Variants in HYCC2 observed in about 807,000 individuals in gnomAD.
HYCC2 encodes the protein hyccin PI4KA lipid kinase complex subunit 2, also known as hyccin 2.
chr2:201,066,085 T>G, the HYCC2 span, among the ~76,000 whole-genome samples: 36 of 152,230 alleles, frequency 2.4e-4, no homozygotes, highest in Middle Eastern at 3.4e-3. Context: ...TTTCTTTTTT[T>G]TTTTTCTTTG....
the HYCC2 span, among the ~76,000 whole-genome samples, chr2:201,054,019 G>C: frequency 6.6e-6 from 1 of 152,070 alleles, no homozygotes; most frequent in Admixed American, 6.6e-5. Flanking sequence ...ACCCAGAAAA[G>C]AAAAGCTGGG....
At chr2:200,981,656 C>T in the HYCC2 span, 1 of 1,614,218 alleles carries the variant, frequency 6.2e-7, no homozygotes, top group Non-Finnish European at 8.5e-7. The surrounding 1 kb of genome is among the most constrained non-coding windows in gnomAD (Gnocchi z 4.5). Flanking sequence ...TTGCGAACTA[C>T]TGAATCTCGA....
chr2:200,981,543 G>C, the HYCC2 span: 2 of 1,614,166 alleles, frequency 1.2e-6, no homozygotes, highest in Non-Finnish European at 1.7e-6. The surrounding 1 kb of genome is among the most constrained non-coding windows in gnomAD (Gnocchi z 4.5). Flanking sequence ...TTAAGCTATT[G>C]ATTTTTGGCA....
chr2:201,029,780 G>C, the HYCC2 span, among the ~76,000 whole-genome samples: 1 of 152,140 alleles, frequency 6.6e-6, no homozygotes, highest in East Asian at 1.9e-4. Context: ...GGCCTGTCAT[G>C]AGGTGGGGGG....
the HYCC2 span, among the ~76,000 whole-genome samples, chr2:201,003,805 C>CTTTTTTTTTTTT: frequency 1.5e-5 from 1 of 66,360 alleles, no homozygotes; most frequent in Non-Finnish European, 2.6e-5. Flanking sequence ...GTTGTTGTTG[C>CTTTTTTTTTTTT]TTTTTTTTTT....
the HYCC2 span, among the ~76,000 whole-genome samples, chr2:201,046,970 A>C: frequency 6.6e-6 from 1 of 152,214 alleles, no homozygotes; most frequent in Non-Finnish European, 1.5e-5. Flanking sequence ...AGACAAGAGA[A>C]TCAGACTCAC....
At chr2:201,024,007 C>A in the HYCC2 span, 1 of 1,613,078 alleles carries the variant, frequency 6.2e-7, no homozygotes, top group Non-Finnish European at 8.5e-7. Context: ...CAGTTCCCAG[C>A]ATTTTCTTTT....
the HYCC2 span, among the ~76,000 whole-genome samples, chr2:200,994,478 C>T: frequency 6.6e-6 from 1 of 152,176 alleles, no homozygotes; most frequent in Non-Finnish European, 1.5e-5. Context: ...CTCAGGTGAT[C>T]TGCCCACCTT....
chr2:200,978,033 A>G, the HYCC2 span: 11 of 152,196 alleles, frequency 7.2e-5, no homozygotes, highest in Admixed American at 2.0e-4. Flanking sequence ...CTCCCTAAAT[A>G]TCTTTTTCAT....
chr2:200,984,373 G>A, the HYCC2 span, among the ~76,000 whole-genome samples: 1 of 152,102 alleles, frequency 6.6e-6, no homozygotes, highest in Admixed American at 6.6e-5. Context: ...AGCTTTAAAA[G>A]TCATAAATAG....
At chr2:200,979,619 GA>G in the HYCC2 span, 1 of 152,506 alleles carries the variant, frequency 6.6e-6, no homozygotes, top group East Asian at 1.9e-4. Flanking sequence ...CTAATTAGGA[GA>G]ATACTTGCTT....
At chr2:201,058,894 T>C in the HYCC2 span, among the ~76,000 whole-genome samples, 1 of 152,210 alleles carries the variant, frequency 6.6e-6, no homozygotes, top group Non-Finnish European at 1.5e-5. Context: ...TTTAAATCTA[T>C]AGACTGAGTA....
At chr2:201,038,015 G>C in the HYCC2 span, among the ~76,000 whole-genome samples, 1 of 152,150 alleles carries the variant, frequency 6.6e-6, no homozygotes, top group Non-Finnish European at 1.5e-5. Context: ...CTAATATCCA[G>C]AATCTACAAT....
the HYCC2 span, chr2:200,988,384 G>C: frequency 1.9e-6 from 3 of 1,612,968 alleles, no homozygotes; most frequent in Non-Finnish European, 1.7e-6. Flanking sequence ...AGAATCAGGA[G>C]CATCAAATGG....
At chr2:201,061,014 T>C in the HYCC2 span, among the ~76,000 whole-genome samples, 5 of 151,616 alleles carry the variant, frequency 3.3e-5, no homozygotes, top group East Asian at 9.7e-4. Context: ...CTTACAAAAC[T>C]GTAACTGGAA....
the HYCC2 span, among the ~76,000 whole-genome samples, chr2:201,054,987 CT>C: frequency 6.6e-6 from 1 of 152,044 alleles, no homozygotes; most frequent in African/African-American, 2.4e-5. Flanking sequence ...TAGAATAAAC[CT>C]TTCAAATACT....
chr2:201,069,362 A>G, the HYCC2 span, among the ~76,000 whole-genome samples: 15 of 152,152 alleles, frequency 9.9e-5, no homozygotes, highest in East Asian at 1.5e-3. Context: ...GAGAACTTCT[A>G]TAACGTATAA....
the HYCC2 span, among the ~76,000 whole-genome samples, chr2:201,008,029 C>T: frequency 6.6e-6 from 1 of 152,180 alleles, no homozygotes; most frequent in Non-Finnish European, 1.5e-5. Context: ...AATCTCTATT[C>T]TTTCCCTGTA....
chr2:200,981,462 G>A, the HYCC2 span: 1 of 1,614,146 alleles, frequency 6.2e-7, no homozygotes, highest in Non-Finnish European at 8.5e-7. This position sits in a 1 kb window ranked among gnomAD's most constrained non-coding sequence, Gnocchi z 4.5. Flanking sequence ...CCCCAATGCT[G>A]GTACTTGCTT....
Sources: gnomAD v4.1 joint callset for allele counts (sites outside exome capture counted in the v4.1 genomes callset) on GRCh38, gnomAD v4.1.1 for gene constraint, Gnocchi (gnomAD v3.1) non-coding constraint, MANE v1.5 for transcripts, NCBI Gene and HGNC (gene_info 2026-07-23, HGNC 2026-07-21) for gene names.